Variants in KLF15 observed in about 807,000 individuals in gnomAD.
KLF15 encodes the protein Krueppel-like factor 15.
A neutral mutation model predicts 24.6 loss-of-function variants in KLF15; 4 were observed. The observed-to-expected ratio is 0.16, with a 90% CI of 0.08 to 0.37. The LOEUF is 0.37. Among genes scored for constraint, KLF15 ranks in the 10% least tolerant of loss-of-function variants. The probability of loss-of-function intolerance (pLI) is 1.00; values close to 1 mark genes in which losing one functional copy is unlikely to be tolerated. For missense variants in KLF15, 496 were observed against 560.6 expected (o/e 0.88, Z 1.16); for synonymous variants, 246 against 236.3 (o/e 1.04, Z -0.37).
At chr3:126,298,599 C>A in the KLF15 span, among the ~76,000 whole-genome samples, 1 of 152,022 alleles carries the variant, frequency 6.6e-6, no homozygotes, top group Non-Finnish European at 1.5e-5. Flanking sequence ...TTTATGGTTT[C>A]GGTTCTTAGA....
At chr3:126,327,675 T>A in the KLF15 span, among the ~76,000 whole-genome samples, 1 of 152,210 alleles carries the variant, frequency 6.6e-6, no homozygotes, top group Non-Finnish European at 1.5e-5. Context: ...ATTCCAGACT[T>A]CATACATAGG....
the KLF15 span, among the ~76,000 whole-genome samples, chr3:126,307,823 C>T: frequency 1.3e-5 from 2 of 152,164 alleles, no homozygotes; most frequent in African/African-American, 2.4e-5. Context: ...CCAGGCCCAG[C>T]GATTTCCTTT....
chr3:126,352,303 G>C lies in KLF15; in HGVS notation c.620C>G (p.Pro207Arg). The stretch of plus-strand genomic sequence containing the variant: ...GCCATCAGGCGTGGGGCCCCCACCT[G>C]GGCCCTGGGCACCTCCTGCACTGGC... Reference protein sequence around the residue: ...GGASAGGAQGPGGGPTPDGPI... With the variant: ...GGASAGGAQGRGGGPTPDGPI... The change falls in exon 2 of 3, where the codon CCA (proline) becomes CGA (arginine). Residue 207 changes from proline (P) to arginine (R), a missense_variant. Pro to Arg is a moderately radical substitution (Grantham distance 103). Around this residue, in one of 3 missense-constraint regions of KLF15, gnomAD observed 399 missense variants for 423.1 expected, o/e 0.94. Coordinates refer to ENST00000296233, the MANE Select transcript of KLF15 (RefSeq NM_014079.4). 6.4e-7 allele frequency: 1 copy of C among 1,551,802 alleles called. No homozygotes were observed. Among genetic ancestry groups the C allele is most frequent in the Non-Finnish European group, 8.7e-7 (1 of 1,152,132 alleles).
chr3:126,349,190 G>A (rs867210933), intron 2 of KLF15, among the ~76,000 whole-genome samples: 3 of 152,184 alleles, frequency 2.0e-5, no homozygotes, highest in Non-Finnish European at 2.9e-5. Flanking sequence ...AGGACTCCCC[G>A]CATCCTCAGA....
chr3:126,309,070 G>A, the KLF15 span, among the ~76,000 whole-genome samples: 72 of 152,338 alleles, frequency 4.7e-4, no homozygotes, highest in Admixed American at 1.5e-3. Context: ...GTGAGACAAC[G>A]CCAGTAATGG....
At chr3:126,353,447 G>T (rs1273522357) in intron 1 of KLF15, among the ~76,000 whole-genome samples, 1 of 152,120 alleles carries the variant, frequency 6.6e-6, no homozygotes, top group African/African-American at 2.4e-5. Context: ...GCTTCCAGAG[G>T]GTTGCCAGAT....
chr3:126,312,219 C>A, the KLF15 span, among the ~76,000 whole-genome samples: 1 of 152,172 alleles, frequency 6.6e-6, no homozygotes. Flanking sequence ...GCTTTGTCAC[C>A]CACACTGGAG....
intron 2 of KLF15, among the ~76,000 whole-genome samples, chr3:126,345,703 G>C (rs768392828): frequency 6.6e-6 from 1 of 152,088 alleles, no homozygotes; most frequent in Non-Finnish European, 1.5e-5. Context: ...CCCAGCAATT[G>C]GTAAGGGCTG....
the KLF15 span, among the ~76,000 whole-genome samples, chr3:126,307,472 A>T: frequency 6.6e-6 from 1 of 152,186 alleles, no homozygotes; most frequent in Non-Finnish European, 1.5e-5. Context: ...AATGAGCGGG[A>T]TGGTGGCTAT....
At chr3:126,351,766 G>C in intron 2 of KLF15, 75 bp downstream of exon 2, 1 of 1,446,910 alleles carries the variant, frequency 6.9e-7, no homozygotes, top group Non-Finnish European at 9.3e-7. Flanking sequence ...GTGGAAAATG[G>C]CCCTGCTGCA....
chr3:126,341,733 G>T (rs2082480589), downstream of KLF15, among the ~76,000 whole-genome samples: 1 of 152,112 alleles, frequency 6.6e-6, no homozygotes, highest in Non-Finnish European at 1.5e-5. Flanking sequence ...GGAGCCCATG[G>T]GTGCCCTACC....
the KLF15 span, among the ~76,000 whole-genome samples, chr3:126,327,611 C>T: frequency 1.3e-5 from 2 of 152,184 alleles, no homozygotes; most frequent in African/African-American, 4.8e-5. Context: ...TTCCCCCAGC[C>T]TCCCCATCTC....
At chr3:126,334,195 A>C in the KLF15 span, among the ~76,000 whole-genome samples, 11 of 152,282 alleles carry the variant, frequency 7.2e-5, no homozygotes, top group African/African-American at 2.6e-4. Flanking sequence ...CAGCAAATGT[A>C]AAAGAACAGA....
At chr3:126,308,734 A>T in the KLF15 span, among the ~76,000 whole-genome samples, 16 of 152,178 alleles carry the variant, frequency 1.1e-4, no homozygotes, top group Non-Finnish European at 5.9e-5. Flanking sequence ...ATGATGAGGA[A>T]GCTCTGGGAC....
chr3:126,316,598 TGGGGAA>T, the KLF15 span, among the ~76,000 whole-genome samples: 1 of 122,988 alleles, frequency 8.1e-6, no homozygotes, highest in African/African-American at 3.2e-5. Context: ...GAGTGGGGAG[TGGGGAA>T]GGGAGTGCAC....
the KLF15 span, among the ~76,000 whole-genome samples, chr3:126,324,806 C>CTTTTTTTTTTTTTTTTTT: frequency 3.4e-5 from 2 of 59,580 alleles, no homozygotes; most frequent in Admixed American, 2.4e-4. Context: ...TTTTTTCGCT[C>CTTTTTTTTTTTTTTTTTT]TTTTTTTTTT....
At chr3:126,351,011 G>A (rs939368487) in intron 2 of KLF15, among the ~76,000 whole-genome samples, 2 of 152,236 alleles carry the variant, frequency 1.3e-5, no homozygotes, top group Non-Finnish European at 2.9e-5. Flanking sequence ...TGAGCTCTTC[G>A]CAAGCAGCCT....
chr3:126,341,359 G>A (rs2082478407), downstream of KLF15, among the ~76,000 whole-genome samples: 1 of 152,176 alleles, frequency 6.6e-6, no homozygotes, highest in African/African-American at 2.4e-5. Flanking sequence ...ATATGCTCCC[G>A]AGGTTATTCC....
At chr3:126,309,073 A>G in the KLF15 span, among the ~76,000 whole-genome samples, 1 of 152,256 alleles carries the variant, frequency 6.6e-6, no homozygotes. Context: ...AGACAACGCC[A>G]GTAATGGGCG....
Sources: allele counts gnomAD v4.1 joint callset (sites outside exome capture counted in the v4.1 genomes callset), GRCh38; gene constraint gnomAD v4.1.1; regional missense constraint gnomAD v4.1.1; transcripts MANE v1.5; gene names NCBI Gene and HGNC (gene_info 2026-07-23, HGNC 2026-07-21).